EDIL3: variants seen among roughly 807,000 people sequenced by gnomAD.
EDIL3 encodes EGF-like repeat and discoidin I-like domain-containing protein 3.
EDIL3 carries 37 observed loss-of-function variants against 67.4 expected under a neutral mutation model. That is an observed-to-expected ratio of 0.55 (90% CI 0.42 to 0.72). The LOEUF (loss-of-function observed/expected upper bound fraction) is 0.72. Ranked by LOEUF, EDIL3 falls within the 30% of genes least tolerant of loss-of-function variation. The pLI is 0.00. For missense variants in EDIL3, 527 were observed against 586.3 expected, an observed-to-expected ratio of 0.90 and a Z score of 1.04; for synonymous variants, 195 against 196.3, an observed-to-expected ratio of 0.99 and a Z score of 0.05.
intron 5 of EDIL3, among the ~76,000 whole-genome samples, chr5:84,117,682 T>C (rs377754188): frequency 6.6e-6 from 1 of 151,940 alleles, no homozygotes; most frequent in South Asian, 2.1e-4. Flanking sequence ...TAGAATTACC[T>C]GCTTACCTTA....
At chr5:84,114,466 G>A (rs1257232091) in intron 5 of EDIL3, among the ~76,000 whole-genome samples, 1 of 152,026 alleles carries the variant, frequency 6.6e-6, no homozygotes, top group African/African-American at 2.4e-5. Context: ...GCACCCCCTG[G>A]GTGTCAGCCT....
intron 3 of EDIL3, among the ~76,000 whole-genome samples, chr5:84,181,643 C>A (rs148291370): frequency 6.6e-6 from 1 of 152,238 alleles, no homozygotes; most frequent in Non-Finnish European, 1.5e-5. Context: ...AAATCTTTTA[C>A]ACTTTTAATT....
At chr5:84,058,528 A>C (rs1304516422) in intron 9 of EDIL3, among the ~76,000 whole-genome samples, 1 of 152,154 alleles carries the variant, frequency 6.6e-6, no homozygotes, top group Non-Finnish European at 1.5e-5. Flanking sequence ...AATGATTTTC[A>C]GATATTTGAG....
At chr5:84,043,717 C>A (rs1349583830) in intron 9 of EDIL3, among the ~76,000 whole-genome samples, 1 of 151,794 alleles carries the variant, frequency 6.6e-6, no homozygotes, top group Admixed American at 6.6e-5. Flanking sequence ...GTAATTTATA[C>A]AAATAATATG....
intron 6 of EDIL3, among the ~76,000 whole-genome samples, chr5:84,090,045 G>A (rs982978823): frequency 2.6e-5 from 4 of 152,146 alleles, no homozygotes; most frequent in Non-Finnish European, 4.4e-5. Flanking sequence ...GTCTTATGAG[G>A]TTGTGAATAT....
chr5:84,285,753 CT>C (rs1254353928), intron 1 of EDIL3, among the ~76,000 whole-genome samples: 1 of 152,150 alleles, frequency 6.6e-6, no homozygotes, highest in African/African-American at 2.4e-5. Context: ...ATAGTGGCTG[CT>C]TTAGCCATGG....
chr5:84,242,218 C>T (rs1026474628), intron 2 of EDIL3, among the ~76,000 whole-genome samples: 1 of 150,798 alleles, frequency 6.6e-6, no homozygotes, highest in Non-Finnish European at 1.5e-5. Flanking sequence ...CGCGGCAGAG[C>T]GAGACTCTGT....
At chr5:84,350,299 TGAC>T (rs1481142336) in intron 1 of EDIL3, among the ~76,000 whole-genome samples, 5 of 152,088 alleles carry the variant, frequency 3.3e-5, no homozygotes, top group African/African-American at 1.2e-4. Context: ...TTTTATTTCT[TGAC>T]ATACTGACTG....
chr5:84,058,887 T>C (rs549286543), intron 9 of EDIL3, among the ~76,000 whole-genome samples: 1 of 152,194 alleles, frequency 6.6e-6, no homozygotes, highest in Non-Finnish European at 1.5e-5. Context: ...ACTTATAAGG[T>C]TGGGTGCTGG....
intron 1 of EDIL3, among the ~76,000 whole-genome samples, chr5:84,272,859 T>C (rs1745504304): frequency 6.6e-6 from 1 of 152,170 alleles, no homozygotes; most frequent in Non-Finnish European, 1.5e-5. Context: ...ATTTTTTTTT[T>C]CCTGGAAGCT....
At chr5:84,176,199 AT>A (rs1395559154) in intron 4 of EDIL3, among the ~76,000 whole-genome samples, 7 of 2,704 alleles carry the variant, frequency 2.6e-3, no homozygotes, top group African/African-American at 8.3e-3. Context: ...TATATATATA[AT>A]ATATATATAT....
intron 1 of EDIL3, among the ~76,000 whole-genome samples, chr5:84,271,111 C>T (rs901710183): frequency 7.9e-5 from 12 of 152,102 alleles, no homozygotes; most frequent in Non-Finnish European, 1.5e-4. Flanking sequence ...GAGAAATAGA[C>T]CTAATTGACC....
At chr5:84,273,465 A>C (rs910704600) in intron 1 of EDIL3, among the ~76,000 whole-genome samples, 4 of 152,160 alleles carry the variant, frequency 2.6e-5, no homozygotes, top group African/African-American at 9.7e-5. Flanking sequence ...CCCACGTGTA[A>C]AAAGTGAGGA....
intron 4 of EDIL3, among the ~76,000 whole-genome samples, chr5:84,140,490 T>C (rs1748169679): frequency 6.6e-6 from 1 of 152,060 alleles, no homozygotes; most frequent in Non-Finnish European, 1.5e-5. Flanking sequence ...CTTTAAACCT[T>C]CCAGTTATAG....
intron 1 of EDIL3, among the ~76,000 whole-genome samples, chr5:84,284,397 T>C (rs1745768640): frequency 6.6e-6 from 1 of 152,078 alleles, no homozygotes; most frequent in Non-Finnish European, 1.5e-5. Flanking sequence ...ATGGCTACTA[T>C]ACCCATGCAC....
intron 9 of EDIL3, among the ~76,000 whole-genome samples, chr5:84,019,052 C>A (rs555324374): frequency 3.9e-4 from 60 of 152,198 alleles, no homozygotes; most frequent in Middle Eastern, 3.4e-3. Context: ...TGGGTATATG[C>A]CCAAAGGATT....
chr5:84,285,954 T>C (rs1237809198), intron 1 of EDIL3, among the ~76,000 whole-genome samples: 1 of 152,190 alleles, frequency 6.6e-6, no homozygotes, highest in Non-Finnish European at 1.5e-5. Flanking sequence ...ATACGTGTAG[T>C]TCCTTTTGCC....
intron 1 of EDIL3, among the ~76,000 whole-genome samples, chr5:84,303,992 C>G (rs2112133743): frequency 6.6e-6 from 1 of 152,076 alleles, no homozygotes; most frequent in Admixed American, 6.6e-5. Flanking sequence ...CCATATCAAT[C>G]CATATAAATT....
chr5:84,162,299 A>C (rs754545835), intron 4 of EDIL3, among the ~76,000 whole-genome samples: 2 of 152,098 alleles, frequency 1.3e-5, no homozygotes, highest in Non-Finnish European at 2.9e-5. Flanking sequence ...CCAGAGCAAG[A>C]TCTCCAATGT....
Sources: allele counts gnomAD v4.1 joint callset (sites outside exome capture counted in the v4.1 genomes callset), GRCh38; gene constraint gnomAD v4.1.1; transcripts MANE v1.5; gene names NCBI Gene and HGNC (gene_info 2026-07-23, HGNC 2026-07-21).